The following BBX variants were observed in gnomAD, a reference collection of about 807,000 sequenced individuals.
BBX encodes HMG box transcription factor BBX.
BBX carries 30 observed loss-of-function variants against 100.2 expected under a neutral mutation model. That is an observed-to-expected ratio of 0.30 (90% confidence interval 0.22 to 0.41). The LOEUF (loss-of-function observed/expected upper bound fraction) is 0.41, where lower values mean the gene tolerates loss of function less well. Among genes scored for constraint, BBX ranks in the 10% least tolerant of loss-of-function variants. The probability of loss-of-function intolerance (pLI) is 1.00; values close to 1 mark genes in which losing one functional copy is unlikely to be tolerated. For missense variants in BBX, 1,023 were observed against 1,129.8 expected (o/e 0.91, Z 1.35); for synonymous variants, 376 against 388.1 (o/e 0.97, Z 0.37).
At chr3:107,751,256 ATACACT>A (rs371533112) in intron 9 of BBX, among the ~76,000 whole-genome samples, 3 of 152,334 alleles carry the variant, frequency 2.0e-5, no homozygotes, top group Non-Finnish European at 4.4e-5. Context: ...GTCCTATTAT[ATACACT>A]TAAAGAGAAG....
intron 3 of BBX, among the ~76,000 whole-genome samples, chr3:107,652,466 C>G (rs539975196): frequency 5.2e-4 from 78 of 149,250 alleles, no homozygotes; most frequent in Non-Finnish European, 8.3e-4. Flanking sequence ...ATTGTTTTGT[C>G]CACTTTTGAT....
At chr3:107,542,842 C>G (rs769838319) in intron 2 of BBX, among the ~76,000 whole-genome samples, 11 of 152,152 alleles carry the variant, frequency 7.2e-5, no homozygotes, top group Non-Finnish European at 1.6e-4. Flanking sequence ...GGCATTCATA[C>G]CACTCCACAA....
At chr3:107,555,169 T>C (rs1351311671) in intron 2 of BBX, among the ~76,000 whole-genome samples, 1 of 152,200 alleles carries the variant, frequency 6.6e-6, no homozygotes, top group Non-Finnish European at 1.5e-5. Flanking sequence ...AAGCTCCTAT[T>C]TGAGGTGTAG....
chr3:107,686,741 G>A lies in BBX; in HGVS notation c.-9-23711G>A, dbSNP rs187028574. ...AGGAGGCCCACAATTTAAAGGCCCA[G>A]GTTTGGCCATGTTTATTACTTGTCT... On this transcript the variant is annotated intron_variant, in intron 3 of 17. Transcript: ENST00000325805. 3.0e-3 allele frequency among the ~76,000 whole-genome samples: 454 copies of A among 152,218 alleles called. 3 individuals carry two copies. The highest frequency in any genetic ancestry group is 5.9e-3 in the Non-Finnish European group (398 of 68,024).
intron 2 of BBX, among the ~76,000 whole-genome samples, chr3:107,560,075 G>T (rs778041013): frequency 6.6e-6 from 1 of 151,900 alleles, no homozygotes; most frequent in Non-Finnish European, 1.5e-5. Context: ...TTAACCTCTC[G>T]TTCAGTTTTT....
chr3:107,661,706 C>T (rs1183523773), intron 3 of BBX: 6 of 203,614 alleles, frequency 2.9e-5, no homozygotes, highest in Non-Finnish European at 5.2e-5. Flanking sequence ...CTTAATCTCT[C>T]CATTAACTTC....
chr3:107,760,300 C>T (rs979692058), intron 10 of BBX, among the ~76,000 whole-genome samples: 4 of 152,192 alleles, frequency 2.6e-5, no homozygotes, highest in Non-Finnish European at 4.4e-5. Context: ...CAGCTTACTC[C>T]TACACATGTA....
intron 3 of BBX, among the ~76,000 whole-genome samples, chr3:107,672,571 T>C (rs2059075358): frequency 6.6e-6 from 1 of 151,948 alleles, no homozygotes; most frequent in African/African-American, 2.4e-5. Flanking sequence ...GAAGCTGAAG[T>C]AGGGAATGGT....
intron 4 of BBX, 103 bp downstream of exon 4, chr3:107,710,725 C>G: frequency 5.5e-6 from 6 of 1,084,462 alleles, no homozygotes; most frequent in Non-Finnish European, 3.9e-6. Context: ...TTTCCAAAAG[C>G]CTGTATAGCT....
chr3:107,602,133 T>G (rs2054109715), intron 2 of BBX, among the ~76,000 whole-genome samples: 1 of 152,084 alleles, frequency 6.6e-6, no homozygotes, highest in Non-Finnish European at 1.5e-5. Context: ...TCGGAAAAAA[T>G]GTTTCCTTTC....
chr3:107,657,906 T>C (rs2058239331), intron 3 of BBX, among the ~76,000 whole-genome samples: 1 of 152,076 alleles, frequency 6.6e-6, no homozygotes, highest in South Asian at 2.1e-4. Context: ...TTAAGGGAAG[T>C]CTAAAGGAAA....
intron 2 of BBX, among the ~76,000 whole-genome samples, chr3:107,622,746 G>A (rs906232915): frequency 6.6e-6 from 1 of 152,016 alleles, no homozygotes; most frequent in African/African-American, 2.4e-5. Flanking sequence ...TTTTATTCTG[G>A]ACATTTTAAT....
At chr3:107,802,796 G>A (rs1399755786) in intron 17 of BBX, among the ~76,000 whole-genome samples, 1 of 152,154 alleles carries the variant, frequency 6.6e-6, no homozygotes, top group Non-Finnish European at 1.5e-5. Flanking sequence ...CTACCCTGCA[G>A]TTAGGTGGAA....
At chr3:107,655,845 C>T (rs1240726885) in intron 3 of BBX, among the ~76,000 whole-genome samples, 2 of 151,964 alleles carry the variant, frequency 1.3e-5, no homozygotes, top group Admixed American at 6.6e-5. Context: ...GGACTACAGG[C>T]GCCCACCACC....
At chr3:107,661,155 T>A (rs565043710) in intron 3 of BBX, among the ~76,000 whole-genome samples, 2 of 152,344 alleles carry the variant, frequency 1.3e-5, no homozygotes, top group Non-Finnish European at 2.9e-5. Flanking sequence ...CAGATTTTTT[T>A]ATGGTATATC....
intron 6 of BBX, among the ~76,000 whole-genome samples, chr3:107,731,016 A>G (rs893548956): frequency 2.6e-5 from 4 of 152,198 alleles, no homozygotes; most frequent in Non-Finnish European, 5.9e-5. Flanking sequence ...GCAATTTTGA[A>G]TAACCCCAAA....
chr3:107,750,837 A>G (rs1233085149), intron 9 of BBX, among the ~76,000 whole-genome samples: 5 of 152,250 alleles, frequency 3.3e-5, no homozygotes, highest in Non-Finnish European at 7.3e-5. Flanking sequence ...TTATTTCATA[A>G]AACACCATCA....
At chr3:107,728,728 G>T (rs2063126486) in intron 5 of BBX, 37 bp from the exon 6 acceptor site, 1 of 1,554,304 alleles carries the variant, frequency 6.4e-7, no homozygotes, top group South Asian at 1.2e-5. Flanking sequence ...CAATCTATTT[G>T]TTAATTAAAA....
intron 16 of BBX, among the ~76,000 whole-genome samples, 179 bp downstream of exon 16, chr3:107,798,899 C>G (rs1576872459): frequency 6.6e-6 from 1 of 150,920 alleles, no homozygotes; most frequent in East Asian, 1.9e-4. Flanking sequence ...GTCTGTAATC[C>G]CAACGCTTTA....
Sources: gnomAD v4.1 joint callset for allele counts (sites outside exome capture counted in the v4.1 genomes callset) on GRCh38, gnomAD v4.1.1 for gene constraint, MANE v1.5 for transcripts, NCBI Gene and HGNC (gene_info 2026-07-23, HGNC 2026-07-21) for gene names.